The following CSMD3 variants were observed in gnomAD, a reference collection of about 807,000 sequenced individuals.
CSMD3 encodes the protein CUB and Sushi multiple domains 3, also known as CUB and sushi domain-containing protein 3.
CSMD3 carries 177 observed loss-of-function variants against 435.2 expected under a neutral mutation model. That is an observed-to-expected ratio of 0.41 (90% CI 0.36 to 0.46). CSMD3 has a LOEUF of 0.46. CSMD3 is among the 20% of genes least tolerant of loss of function. The pLI, the probability that CSMD3 is intolerant of heterozygous loss-of-function variation, is 0.34. For synonymous variants in CSMD3, 1,656 were observed against 1,520.5 expected (o/e 1.09, Z -2.07); for missense variants, 4,265 against 4,504.6 (o/e 0.95, Z 1.52).
intron 32 of CSMD3, among the ~76,000 whole-genome samples, chr8:112,448,676 T>A (rs1338984636): frequency 6.6e-6 from 1 of 151,576 alleles, no homozygotes; most frequent in Admixed American, 6.6e-5. Context: ...TGTGTTAAGT[T>A]GCCCAATTTG....
chr8:112,659,369 T>A (rs1037157707), intron 17 of CSMD3, among the ~76,000 whole-genome samples: 3 of 152,230 alleles, frequency 2.0e-5, no homozygotes, highest in Admixed American at 1.3e-4. Context: ...TTAAATTTAT[T>A]GTATATGCTA....
At chr8:113,257,885 C>A (rs1278966222) in intron 3 of CSMD3, among the ~76,000 whole-genome samples, 3 of 151,914 alleles carry the variant, frequency 2.0e-5, no homozygotes, top group Non-Finnish European at 4.4e-5. Context: ...AAATAACACA[C>A]TAAGAAAAAA....
chr8:112,409,504 A>G (rs548645738), intron 32 of CSMD3, among the ~76,000 whole-genome samples: 22 of 152,050 alleles, frequency 1.4e-4, no homozygotes, highest in African/African-American at 4.8e-4. Flanking sequence ...ATGAGTAATA[A>G]TTTCATTAGA....
chr8:112,946,386 A>T (rs576213999), intron 9 of CSMD3, among the ~76,000 whole-genome samples: 1 of 151,806 alleles, frequency 6.6e-6, no homozygotes, highest in East Asian at 1.9e-4. Flanking sequence ...TCTGAATGAA[A>T]TTTGTTTGAC....
chr8:112,953,070 GGAAGTTT>G (rs753677682), intron 8 of CSMD3, among the ~76,000 whole-genome samples: 3 of 151,328 alleles, frequency 2.0e-5, no homozygotes, highest in Non-Finnish European at 3.0e-5. Context: ...CTGAACATTT[GGAAGTTT>G]GAACCATGCA....
intron 30 of CSMD3, among the ~76,000 whole-genome samples, chr8:112,501,694 GT>G (rs1821980366): frequency 6.6e-6 from 1 of 152,066 alleles, no homozygotes; most frequent in Non-Finnish European, 1.5e-5. Flanking sequence ...GTATACAGAT[GT>G]CCTAAAAAGA....
In CSMD3 at chr8:112,732,448, T is replaced by A. The variant is rs142328464; in HGVS notation, c.1973-42398A>T. 4.0e-3 allele frequency among the ~76,000 whole-genome samples: 612 copies of A among 152,130 alleles called. 3 individuals carry two copies. Among genetic ancestry groups the A allele is most frequent in the African/African-American group, 0.014 (581 of 41,526 alleles). ...AGACATGAATTAAAAATAGATATCG[T>A]GGCTGGGTGTGGTGGCTCATGCCTA... On this transcript the variant is annotated intron_variant, in intron 13 of 70. Coordinates refer to ENST00000297405, the MANE Select transcript of CSMD3 (RefSeq NM_198123.2).
At chr8:112,899,762 A>C (rs2130425286) in intron 10 of CSMD3, among the ~76,000 whole-genome samples, 1 of 147,802 alleles carries the variant, frequency 6.8e-6, no homozygotes, top group Admixed American at 6.8e-5. Flanking sequence ...ATTTCTCAAC[A>C]ATCTGGCAGT....
rs150756745 is a variant in CSMD3, at chr8:113,160,895, T to C, written c.709+12827A>G. Among the ~76,000 whole-genome samples, 895 of 152,164 alleles carry C rather than the reference T, an allele frequency of 5.9e-3. 4 individuals are homozygous for C. Among genetic ancestry groups the C allele is most frequent in the African/African-American group, 0.019 (797 of 41,560 alleles). On this transcript the variant is annotated intron_variant, in intron 4 of 70. Coordinates refer to ENST00000297405, the MANE Select transcript of CSMD3 (RefSeq NM_198123.2). ...CATCTGAAATATGATCCAGGAATCA[T>C]ATGTGCTATATTCAAGGGGACGGAT...
intron 5 of CSMD3, among the ~76,000 whole-genome samples, chr8:113,024,413 A>G (rs1001539845): frequency 2.2e-4 from 33 of 152,092 alleles, no homozygotes; most frequent in African/African-American, 8.0e-4. Context: ...GAAGCAATAA[A>G]AATAGGAGTT....
At chr8:112,909,418 A>T (rs1049756034) in intron 10 of CSMD3, among the ~76,000 whole-genome samples, 5 of 151,788 alleles carry the variant, frequency 3.3e-5, no homozygotes, top group Admixed American at 6.6e-5. Flanking sequence ...TATTTTTTTT[A>T]AAAAATCAAA....
At chr8:112,574,581 G>T (rs546985538) in intron 23 of CSMD3, among the ~76,000 whole-genome samples, 30 of 151,900 alleles carry the variant, frequency 2.0e-4, no homozygotes, top group African/African-American at 7.0e-4. Flanking sequence ...TAAATCCAGG[G>T]TTTACCAACA....
Position 112,223,155 on chromosome 8 carries a change from C to G in CSMD3, c.*1616G>C, listed in dbSNP as rs1812299471. Reference sequence around the variant, plus strand: ...TTGTTATTGCAGTCATTTGAATAAACAAGAATAAATAACTGATGGCATAAA... The same window carrying G: ...TTGTTATTGCAGTCATTTGAATAAAGAAGAATAAATAACTGATGGCATAAA... On this transcript the variant is annotated 3_prime_UTR_variant, in exon 71 of 71. Coordinates refer to ENST00000297405, the MANE Select transcript of CSMD3 (RefSeq NM_198123.2). The G allele has an allele frequency of 7.5e-6, 3 of 397,816 alleles. No individual in the cohort carries two copies. Among genetic ancestry groups the G allele is most frequent in the Admixed American group, 8.8e-5 (2 of 22,704 alleles). 24.6% of individuals were successfully genotyped at this position (397,816 alleles called of 1,614,324 possible).
chr8:113,190,785 C>T (rs1169162747), intron 3 of CSMD3, among the ~76,000 whole-genome samples: 4 of 151,508 alleles, frequency 2.6e-5, no homozygotes, highest in Non-Finnish European at 4.4e-5. Context: ...TTTGCGAATG[C>T]TGTTCTTAGC....
chr8:113,407,348 A>C (rs1226902930), intron 1 of CSMD3, among the ~76,000 whole-genome samples: 1 of 152,156 alleles, frequency 6.6e-6, no homozygotes, highest in Non-Finnish European at 1.5e-5. Context: ...TACTTCACTG[A>C]ATTTTAAGTG....
intron 59 of CSMD3, among the ~76,000 whole-genome samples, chr8:112,278,912 T>G (rs577898953): frequency 6.6e-6 from 1 of 152,050 alleles, no homozygotes; most frequent in African/African-American, 2.4e-5. Flanking sequence ...ACATTTAAAA[T>G]AATGATTTGG....
rs1490537303 is a variant in CSMD3, at chr8:112,685,639, G to A, written c.2249C>T (p.Thr750Met). ...CCGGCTCCCTGGATCAGAGATTATCGTCCAGATGCAATTTAAATTATTTCC... is the reference window on the plus strand; with the variant it reads ...CCGGCTCCCTGGATCAGAGATTATCATCCAGATGCAATTTAAATTATTTCC... Reference protein sequence around the residue: ...GYGNNLNCIWTIISDPGSRIH... With the variant: ...GYGNNLNCIWMIISDPGSRIH... The change falls in exon 15 of 71, where the codon ACG becomes ATG. Residue 750 changes from threonine (T) to methionine (M), a missense_variant. By Grantham distance (81) the Thr-to-Met change is moderately conservative (BLOSUM62 -1). Coordinates refer to ENST00000297405, the MANE Select transcript of CSMD3 (RefSeq NM_198123.2). The A allele has an allele frequency of 6.2e-6, 10 of 1,612,914 alleles. No homozygotes were observed. The highest frequency in any genetic ancestry group is 4.5e-5 in the East Asian group (2 of 44,872).
intron 11 of CSMD3, among the ~76,000 whole-genome samples, chr8:112,851,979 A>G (rs2080502834): frequency 6.6e-6 from 1 of 152,156 alleles, no homozygotes; most frequent in Non-Finnish European, 1.5e-5. Flanking sequence ...TTTTGGGAAG[A>G]TTGGTTCAGG....
chr8:112,279,090 T>A (rs2130557825), intron 59 of CSMD3, among the ~76,000 whole-genome samples: 1 of 151,674 alleles, frequency 6.6e-6, no homozygotes, highest in East Asian at 1.9e-4. Flanking sequence ...AAACAAAAAT[T>A]GAAATAAAGA....
Sources: allele counts gnomAD v4.1 joint callset (sites outside exome capture counted in the v4.1 genomes callset), GRCh38; gene constraint gnomAD v4.1.1; transcripts MANE v1.5; gene names NCBI Gene and HGNC (gene_info 2026-07-23, HGNC 2026-07-21).